The following NTRK3 variants were observed in gnomAD, a reference collection of about 807,000 sequenced individuals.
NTRK3 encodes neurotrophic receptor tyrosine kinase 3.
In NTRK3, 24 loss-of-function variants were observed where a neutral mutation model predicts 91.7. The observed-to-expected ratio is 0.26, with a 90% confidence interval of 0.19 to 0.37. NTRK3 has a LOEUF of 0.37. NTRK3 is among the 10% of genes least tolerant of loss of function. The pLI is 1.00. For missense variants in NTRK3, 880 were observed against 1,068.9 expected (o/e 0.82, Z 2.46); for synonymous variants, 483 against 404.0 (o/e 1.20, Z -2.34).
intron 13 of NTRK3, among the ~76,000 whole-genome samples, chr15:88,040,439 G>A (rs146722700): frequency 2.6e-5 from 4 of 152,194 alleles, no homozygotes; most frequent in Non-Finnish European, 5.9e-5. Context: ...GAAAGAGAGG[G>A]GGAAAGAGGT....
intron 14 of NTRK3, among the ~76,000 whole-genome samples, chr15:87,958,849 TA>T (rs2071945324): frequency 6.6e-6 from 1 of 151,966 alleles, no homozygotes; most frequent in Admixed American, 6.6e-5. Flanking sequence ...AAGTCATCTT[TA>T]AAAAACTGTA....
rs1224657883 is a variant in NTRK3 at position 88,234,161 on chromosome 15, C to G, written c.248+21745G>C. ...GGACCTTCAGTCAGGAGACGATGGA[C>G]AGCACCCTAGTCCAATCACATCTGC... On this transcript the variant is annotated intron_variant, in intron 3 of 18. Transcript: ENST00000394480. This position sits in a 1 kb window ranked among gnomAD's most constrained non-coding sequence, Gnocchi z 6.1. 2.6e-5 allele frequency among the ~76,000 whole-genome samples: 4 copies of G among 152,020 alleles called. No homozygotes were observed. Among genetic ancestry groups the G allele is most frequent in the Non-Finnish European group, 5.9e-5 (4 of 67,994 alleles).
At chr15:87,909,160 G>C (rs2066941402) in intron 17 of NTRK3, among the ~76,000 whole-genome samples, 2 of 152,058 alleles carry the variant, frequency 1.3e-5, no homozygotes, top group South Asian at 4.2e-4. Context: ...CACCACCATG[G>C]AGCCTCAGCC....
At chr15:88,024,938 A>T (rs2077902685) in intron 14 of NTRK3, among the ~76,000 whole-genome samples, 1 of 152,230 alleles carries the variant, frequency 6.6e-6, no homozygotes, top group South Asian at 2.1e-4. Context: ...GAAGTGAAGT[A>T]TGCTCACTAT....
chr15:88,038,910 C>T (rs1343629987), intron 13 of NTRK3, among the ~76,000 whole-genome samples: 2 of 152,108 alleles, frequency 1.3e-5, no homozygotes, highest in South Asian at 2.1e-4. Context: ...AGACCTGTAG[C>T]CCCTCTAGGG....
intron 13 of NTRK3, among the ~76,000 whole-genome samples, chr15:88,058,951 T>C (rs936899665): frequency 3.3e-5 from 5 of 152,056 alleles, no homozygotes; most frequent in Admixed American, 1.3e-4. Flanking sequence ...CTTCCAGAGA[T>C]TTAGATGTTC....
At chr15:88,066,012 A>G (rs1159669194) in intron 13 of NTRK3, among the ~76,000 whole-genome samples, 1 of 152,252 alleles carries the variant, frequency 6.6e-6, no homozygotes, top group Non-Finnish European at 1.5e-5. Flanking sequence ...GACATTTTAG[A>G]GAACGCCATA....
rs1269899432 is a variant in NTRK3, at chr15:88,128,869, G to T, written c.1205-135C>A. On this transcript the variant is annotated intron_variant, in intron 10 of 18. Transcript: ENST00000394480. The stretch of plus-strand genomic sequence containing the variant: ...CTCATGGCAACTGACAAACTAAAAT[G>T]CATGGCACATCACCCGTCTCCCCAT... The T allele has an allele frequency of 3.5e-5, 28 of 795,418 alleles. No individual in the cohort carries two copies. The Admixed American group carries it at 5.2e-4, about 15-fold the overall frequency. The allele number at this position is 795,418 out of a possible 1,614,324, so 49.3% of individuals were successfully genotyped here.
intron 3 of NTRK3, among the ~76,000 whole-genome samples, chr15:88,223,849 G>A (rs77278759): frequency 1.2e-4 from 18 of 152,186 alleles, no homozygotes; most frequent in East Asian, 7.7e-4. Context: ...GCTAGAAACC[G>A]AGGCAGTGCT....
intron 5 of NTRK3, among the ~76,000 whole-genome samples, chr15:88,181,835 G>C (rs1350716337): frequency 6.6e-6 from 1 of 152,212 alleles, no homozygotes; most frequent in Non-Finnish European, 1.5e-5. Context: ...CTTTGGAGGG[G>C]ACACGTGACC....
At chr15:87,896,408 T>C (rs1387499549) in intron 17 of NTRK3, among the ~76,000 whole-genome samples, 1 of 150,530 alleles carries the variant, frequency 6.6e-6, no homozygotes, top group Non-Finnish European at 1.5e-5. Flanking sequence ...GAGGCAGAGG[T>C]TGCAGTGAGC....
At chr15:87,967,458 A>G (rs956527929) in intron 14 of NTRK3, among the ~76,000 whole-genome samples, 2 of 152,186 alleles carry the variant, frequency 1.3e-5, no homozygotes, top group African/African-American at 4.8e-5. Flanking sequence ...CTAAACTTAA[A>G]TAGGCACTCC....
rs137938856 is a variant in NTRK3 at position 87,860,807 on chromosome 15, C to T, written c.*16128G>A. On this transcript the variant is annotated 3_prime_UTR_variant, in exon 19 of 19. Coordinates refer to ENST00000394480, the Ensembl canonical transcript of NTRK3. ...TCCAGAAGCCTGGGAGAAAAACAAACGAGCATCACGTAGGAGTATTTCTAA... is the reference window on the plus strand; with the variant it reads ...TCCAGAAGCCTGGGAGAAAAACAAATGAGCATCACGTAGGAGTATTTCTAA... 8.9e-5 allele frequency: 19 copies of T among 213,658 alleles called. No individual in the cohort carries two copies. In the Middle Eastern group the frequency reaches 6.0e-3, roughly 67 times the overall value. The allele number at this position is 213,658 out of a possible 1,614,324, so 13.2% of individuals were successfully genotyped here.
At chr15:87,873,505 G>C (rs1174317648) in exon 19 of NTRK3, 4 of 231,780 alleles carry the variant, frequency 1.7e-5, no homozygotes, top group Non-Finnish European at 3.4e-5. Flanking sequence ...GCATGGCAGA[G>C]AGACCAGCCT....
intron 13 of NTRK3, among the ~76,000 whole-genome samples, chr15:88,057,144 G>A (rs1264701887): frequency 2.0e-5 from 3 of 148,574 alleles, no homozygotes; most frequent in Non-Finnish European, 4.5e-5. Context: ...ACTCCAGCCT[G>A]GGCGACAGAG....
intron 13 of NTRK3, among the ~76,000 whole-genome samples, chr15:88,050,036 C>G (rs924815911): frequency 6.6e-6 from 1 of 152,160 alleles, no homozygotes; most frequent in Non-Finnish European, 1.5e-5. Context: ...ACTATTTTCA[C>G]ATAATAGTAT....
intron 3 of NTRK3, among the ~76,000 whole-genome samples, chr15:88,217,546 C>A (rs970888251): frequency 6.6e-6 from 1 of 152,118 alleles, no homozygotes; most frequent in South Asian, 2.1e-4. Flanking sequence ...GTACCTAGAA[C>A]AGCCAGATTT....
At chr15:88,077,256 C>T (rs904167846) in intron 13 of NTRK3, among the ~76,000 whole-genome samples, 6 of 152,182 alleles carry the variant, frequency 3.9e-5, no homozygotes, top group Non-Finnish European at 7.3e-5. Context: ...GCTCCCTTCA[C>T]TGGGTTTTTG....
intron 17 of NTRK3, among the ~76,000 whole-genome samples, chr15:87,889,771 G>A (rs1275933520): frequency 6.6e-6 from 1 of 151,992 alleles, no homozygotes; most frequent in Non-Finnish European, 1.5e-5. Flanking sequence ...TTGTTGTAGT[G>A]TTATCAAAAT....
Sources: gnomAD v4.1 joint callset for allele counts (sites outside exome capture counted in the v4.1 genomes callset) on GRCh38, gnomAD v4.1.1 for gene constraint, Gnocchi (gnomAD v3.1) non-coding constraint, MANE v1.5 for transcripts, NCBI Gene and HGNC (gene_info 2026-07-23, HGNC 2026-07-21) for gene names.